SDK1: variants seen among roughly 807,000 people sequenced by gnomAD.
The protein encoded by SDK1 is protein sidekick-1.
A neutral mutation model predicts 245.5 loss-of-function variants in SDK1; 157 were observed. The observed-to-expected ratio is 0.64, with a 90% CI of 0.56 to 0.73. The LOEUF (loss-of-function observed/expected upper bound fraction) is 0.73. SDK1 is among the 30% of genes least tolerant of loss of function. The pLI, the probability that SDK1 is intolerant of heterozygous loss-of-function variation, is 0.00. For missense variants in SDK1, 3,583 were observed against 3,002.3 expected (o/e 1.19, Z -4.52); for synonymous variants, 1,647 against 1,278.5 (o/e 1.29, Z -6.15).
chr7:3,704,687 A>C (rs1412519926), intron 4 of SDK1, among the ~76,000 whole-genome samples: 1 of 152,096 alleles, frequency 6.6e-6, no homozygotes. Context: ...GAAGCTTTTT[A>C]GTTTAATTAG....
chr7:3,301,687 G>A lies in SDK1; in HGVS notation c.101G>A (p.Gly34Asp). 1 of 973,966 alleles carries A rather than the reference G, an allele frequency of 1.0e-6. No homozygotes were observed. The highest frequency in any genetic ancestry group is 1.2e-4 in the East Asian group (1 of 8,470). 60.3% of individuals were successfully genotyped at this position (973,966 alleles called of 1,614,324 possible). Residue 34 changes from glycine to aspartate, a missense_variant, in exon 1 of 45, where the codon GGC becomes GAC. Coordinates refer to ENST00000404826, the MANE Select transcript of SDK1 (RefSeq NM_152744.4). ...GPGRPRGSPP[G>D]RARPSLAPRP... is the part of the protein sequence containing the mutation. ...GGGCGGCCGCGGGGATCCCCGCCCG[G>A]CCGCGCCCGCCCCTCGCTGGCGCCG...
At chr7:4,106,270 C>A (rs1014997125) in intron 22 of SDK1, among the ~76,000 whole-genome samples, 7 of 152,008 alleles carry the variant, frequency 4.6e-5, no homozygotes, top group African/African-American at 1.7e-4. Flanking sequence ...AAGTGGAGAT[C>A]AGCCGCCCCA....
chr7:4,020,095 C>G lies in SDK1; in HGVS notation c.2602+2743C>G, dbSNP rs571460865. Among the ~76,000 whole-genome samples the G allele has an allele frequency of 1.7e-3, 264 of 152,270 alleles. 1 individual carries two copies. Among genetic ancestry groups the G allele is most frequent in the Middle Eastern group, 0.014 (4 of 294 alleles). ...ATTCCTGGGCCACGAGGATGAACAT[C>G]TCAGGCTTGTGACAGTCTCGGAGAC... On this transcript the variant is annotated intron_variant, in intron 17 of 44. Coordinates refer to ENST00000404826, the MANE Select transcript of SDK1 (RefSeq NM_152744.4).
At chr7:3,483,807 A>G (rs1290357480) in intron 1 of SDK1, among the ~76,000 whole-genome samples, 2 of 152,226 alleles carry the variant, frequency 1.3e-5, no homozygotes, top group East Asian at 3.8e-4. Flanking sequence ...ACATGACTAT[A>G]GTAAATTCAT....
Position 3,568,158 on chromosome 7 carries a change from T to C in SDK1, c.299-50922T>C, listed in dbSNP as rs114599313. ...TGAACAATGATCATTAAGAGATTTG[T>C]TGTTTGAACCAGTGTCATTATTGAT... On this transcript the variant is annotated intron_variant, in intron 1 of 44. Coordinates refer to ENST00000404826, the MANE Select transcript of SDK1 (RefSeq NM_152744.4). Among the ~76,000 whole-genome samples the C allele has an allele frequency of 2.0e-3, 308 of 152,364 alleles. 4 individuals are homozygous for C. Among genetic ancestry groups the C allele is most frequent in the African/African-American group, 7.1e-3 (296 of 41,590 alleles).
intron 22 of SDK1, among the ~76,000 whole-genome samples, chr7:4,086,387 C>T (rs1315360450): frequency 6.6e-6 from 1 of 152,198 alleles, no homozygotes; most frequent in Non-Finnish European, 1.5e-5. Flanking sequence ...GCATGGGTCT[C>T]ACCAGAGCCA....
chr7:3,478,275 A>G lies in SDK1; in HGVS notation c.299-140805A>G, dbSNP rs138686458. On this transcript the variant is annotated intron_variant, in intron 1 of 44. Transcript: ENST00000404826. ...ATAACTTCTTGGAGTTTTGATTAGAAGTTTATAAATTTTATAAATGATGAG... is the reference window on the plus strand; with the variant it reads ...ATAACTTCTTGGAGTTTTGATTAGAGGTTTATAAATTTTATAAATGATGAG... Among the ~76,000 whole-genome samples, 733 of 152,170 alleles carry G rather than the reference A, an allele frequency of 4.8e-3. 8 individuals are homozygous for G. Among genetic ancestry groups the G allele is most frequent in the African/African-American group, 0.017 (691 of 41,522 alleles).
intron 1 of SDK1, among the ~76,000 whole-genome samples, chr7:3,335,655 C>A (rs1780181954): frequency 6.6e-6 from 1 of 152,104 alleles, no homozygotes; most frequent in Non-Finnish European, 1.5e-5. Flanking sequence ...AAATATGGGA[C>A]TGATCACTAC....
At chr7:3,332,505 G>T (rs1179131811) in intron 1 of SDK1, among the ~76,000 whole-genome samples, 2 of 152,172 alleles carry the variant, frequency 1.3e-5, no homozygotes, top group Non-Finnish European at 2.9e-5. Context: ...CTAAAGCGAA[G>T]TCAGAGTCAT....
intron 32 of SDK1, among the ~76,000 whole-genome samples, chr7:4,170,581 C>A (rs183210358): frequency 1.4e-4 from 21 of 152,316 alleles, no homozygotes; most frequent in Admixed American, 1.4e-3. Context: ...TTCATCACGA[C>A]ACTGTCGGGA....
chr7:3,854,311 G>A (rs571580717), intron 5 of SDK1, among the ~76,000 whole-genome samples: 1 of 152,244 alleles, frequency 6.6e-6, no homozygotes, highest in African/African-American at 2.4e-5. Flanking sequence ...GACCTTAGAT[G>A]CCTTATCTGA....
At chr7:3,376,463 AAATG>A (rs1781358751) in intron 1 of SDK1, among the ~76,000 whole-genome samples, 1 of 152,210 alleles carries the variant, frequency 6.6e-6, no homozygotes, top group African/African-American at 2.4e-5. Context: ...AAGACTCTAT[AAATG>A]GGATGGCTGA....
At chr7:4,077,289 C>T (rs1780748067) in intron 21 of SDK1, 100 bp downstream of exon 21, 2 of 1,175,436 alleles carry the variant, frequency 1.7e-6, no homozygotes, top group African/African-American at 1.5e-5. Context: ...CCACTGAGTG[C>T]CTTGAAAAGG....
chr7:4,228,048 T>TA (rs1398458115), intron 40 of SDK1, among the ~76,000 whole-genome samples: 1 of 152,162 alleles, frequency 6.6e-6, no homozygotes, highest in East Asian at 1.9e-4. Flanking sequence ...AATCACGCCG[T>TA]AAAAAATGAA....
At chr7:3,586,825 G>A (rs905366527) in intron 1 of SDK1, among the ~76,000 whole-genome samples, 2 of 152,198 alleles carry the variant, frequency 1.3e-5, no homozygotes, top group Non-Finnish European at 2.9e-5. Flanking sequence ...TGGGGGCAAG[G>A]GGAAAGCACT....
intron 5 of SDK1, among the ~76,000 whole-genome samples, chr7:3,832,859 A>G (rs1779944306): frequency 6.6e-6 from 1 of 152,096 alleles, no homozygotes; most frequent in Non-Finnish European, 1.5e-5. Flanking sequence ...CCAATCTAGT[A>G]TACCTCTATG....
chr7:3,699,598 G>C (rs76529178), intron 4 of SDK1, among the ~76,000 whole-genome samples: 9,222 of 152,154 alleles, frequency 0.061, 341 homozygotes, highest in Middle Eastern at 0.14. Flanking sequence ...GAACAACAGA[G>C]AAAACAGACT....
At chr7:3,483,947 T>G (rs76461505) in intron 1 of SDK1, among the ~76,000 whole-genome samples, 2,256 of 152,350 alleles carry the variant, frequency 0.015, 33 homozygotes, top group Non-Finnish European at 0.023. Flanking sequence ...ACATAATAGT[T>G]GGACATATTT....
At chr7:3,524,049 C>G (rs1334414918) in intron 1 of SDK1, among the ~76,000 whole-genome samples, 1 of 152,120 alleles carries the variant, frequency 6.6e-6, no homozygotes, top group Non-Finnish European at 1.5e-5. Context: ...GCTTCATTGA[C>G]AACATTGGTT....
Sources: gnomAD v4.1 joint callset for allele counts (sites outside exome capture counted in the v4.1 genomes callset) on GRCh38, gnomAD v4.1.1 for gene constraint, MANE v1.5 for transcripts, NCBI Gene and HGNC (gene_info 2026-07-23, HGNC 2026-07-21) for gene names.